Variants in F2 observed in about 807,000 individuals in gnomAD.
The protein encoded by F2 is prothrombin.
Under a neutral mutation model 81.9 loss-of-function variants are expected in F2, and 34 were observed. The observed-to-expected ratio is 0.42, with a 90% CI of 0.32 to 0.55. The LOEUF (loss-of-function observed/expected upper bound fraction) is 0.55, where lower values mean the gene tolerates loss of function less well. F2 is among the 20% of genes least tolerant of loss of function. The pLI is 0.18. For missense variants in F2, 630 were observed against 833.4 expected (o/e 0.76, Z 3.00); for synonymous variants, 296 against 326.4 (o/e 0.91, Z 1.01).
intron 12 of F2, among the ~76,000 whole-genome samples, chr11:46,731,985 G>A (rs1208692362): frequency 2.0e-5 from 3 of 146,974 alleles, no homozygotes; most frequent in East Asian, 2.0e-4. Context: ...GTGCGATCTC[G>A]GCTCACTGCA....
At chr11:46,731,950 T>C (rs1445791753) in intron 12 of F2, among the ~76,000 whole-genome samples, 1 of 127,986 alleles carries the variant, frequency 7.8e-6, no homozygotes, top group Non-Finnish European at 1.6e-5. Flanking sequence ...GGAGTCTCCC[T>C]CTATCACCCG....
chr11:46,720,862 G>A, intron 4 of F2, 22 bp downstream of exon 4: 1 of 1,613,740 alleles, frequency 6.2e-7, no homozygotes, highest in Non-Finnish European at 8.5e-7. Flanking sequence ...ACACGGGTTT[G>A]GGGAGCAGGA....
intron 12 of F2, among the ~76,000 whole-genome samples, chr11:46,731,912 G>GTTTTTTGTT (rs2064914153): frequency 1.1e-5 from 1 of 88,156 alleles, no homozygotes; most frequent in African/African-American, 4.4e-5. Flanking sequence ...ACACTTTGAT[G>GTTTTTTGTT]TTTTTTTTTT....
chr11:46,727,243 A>G (rs1049929997), intron 9 of F2, among the ~76,000 whole-genome samples: 4 of 151,778 alleles, frequency 2.6e-5, no homozygotes, highest in Non-Finnish European at 5.9e-5. Context: ...GCTGGTCTTG[A>G]ACTCCTGACC....
chr11:46,733,898 C>T (rs1179295148), intron 12 of F2, among the ~76,000 whole-genome samples: 1 of 145,856 alleles, frequency 6.9e-6, no homozygotes, highest in African/African-American at 2.6e-5. Context: ...AAGCGATTCT[C>T]CTGCTTCAGC....
intron 2 of F2, chr11:46,720,149 G>T: frequency 1.8e-6 from 1 of 558,250 alleles, no homozygotes; most frequent in South Asian, 2.0e-5. Flanking sequence ...CTCCTCAGCG[G>T]CAGACTCCCA....
Position 46,719,386 on chromosome 11 carries a change from C to A in F2, c.79+72C>A, listed in dbSNP as rs1156783231. ...GGGCCCATGGGCTGGGGTCTCCTGG[C>A]TGGACAGAGCACACAGAGCTGGCCC... On this transcript the variant is annotated intron_variant, in intron 1 of 13. Transcript: ENST00000311907. This position sits in a 1 kb window ranked among gnomAD's most constrained non-coding sequence, Gnocchi z 4.7. 6.6e-7 allele frequency: 1 copy of A among 1,517,422 alleles called. No individual in the cohort carries two copies. Among genetic ancestry groups the A allele is most frequent in the African/African-American group, 1.4e-5 (1 of 72,730 alleles). 94.0% of individuals were successfully genotyped at this position (1,517,422 alleles called of 1,614,324 possible).
chr11:46,726,676 A>G lies in F2; in HGVS notation c.1004-35A>G. On this transcript the variant is annotated intron_variant, in intron 8 of 13. Coordinates refer to ENST00000311907, the MANE Select transcript of F2 (RefSeq NM_000506.5). The surrounding 1 kb of genome is among the most constrained non-coding windows in gnomAD (Gnocchi z 5.9). ...ATGCGGGGCTGCGGGGCTGGTGGCC[A>G]GGACTTGCCCCTCACTGCTTGGCTT... is the stretch of plus-strand genomic sequence containing the variant. 1 of 1,613,508 alleles carries G rather than the reference A, an allele frequency of 6.2e-7. No homozygotes were observed. Among genetic ancestry groups the G allele is most frequent in the African/African-American group, 1.3e-5 (1 of 75,076 alleles).
rs1226159803 is a variant in F2, at chr11:46,725,730, G to A, written c.560-129G>A. ...CCCCTTTAAAGGCAAACGGTCAGAAGCCCAGAGAGGTTAAGTAACCTGAGG... is the reference window on the plus strand; with the variant it reads ...CCCCTTTAAAGGCAAACGGTCAGAAACCCAGAGAGGTTAAGTAACCTGAGG... On this transcript the variant is annotated intron_variant, in intron 6 of 13. Transcript: ENST00000311907. The A allele has an allele frequency of 6.6e-6, 7 of 1,064,380 alleles. No individual in the cohort carries two copies. In the African/African-American group the frequency reaches 7.8e-5, roughly 12 times the overall value. The allele number at this position is 1,064,380 out of a possible 1,614,324, so 65.9% of individuals were successfully genotyped here.
intron 12 of F2, among the ~76,000 whole-genome samples, chr11:46,730,908 T>C (rs1440201753): frequency 1.3e-5 from 2 of 150,468 alleles, no homozygotes; most frequent in Admixed American, 6.6e-5. Flanking sequence ...GCAACCACAA[T>C]ACAAATATTA....
chr11:46,739,426 G>T lies in F2; in HGVS notation c.*18G>T. 1 of 1,613,906 alleles carries T rather than the reference G, an allele frequency of 6.2e-7. No homozygotes were observed. The highest frequency in any genetic ancestry group is 1.1e-5 in the South Asian group (1 of 91,064). ...GAGAGTAGGGGGCCACTCATATTCT[G>T]GGCTCCTGGAACCAATCCCGTGAAA... On this transcript the variant is annotated 3_prime_UTR_variant, in exon 14 of 14. Transcript: ENST00000311907.
intron 12 of F2, among the ~76,000 whole-genome samples, chr11:46,733,782 C>CTTTTTT (rs34296052): frequency 1.3e-3 from 119 of 89,746 alleles, no homozygotes; most frequent in Middle Eastern, 7.9e-3. Flanking sequence ...GATTAAGGAC[C>CTTTTTT]TTTTTTTTTT....
chr11:46,726,161 C>G lies in F2; in HGVS notation c.862C>G (p.Leu288Val). 5 of 1,613,854 alleles carry G rather than the reference C, an allele frequency of 3.1e-6. No individual in the cohort carries two copies. Among genetic ancestry groups the G allele is most frequent in the Non-Finnish European group, 4.2e-6 (5 of 1,180,040 alleles). Residue 288 changes from leucine (L) to valine (V), a missense_variant, in exon 7 of 14, where the codon CTC becomes GTC. Leu to Val is a conservative substitution (Grantham distance 32). Coordinates refer to ENST00000311907, the MANE Select transcript of F2 (RefSeq NM_000506.5). The surrounding 1 kb of genome is among the most constrained non-coding windows in gnomAD (Gnocchi z 5.9). ...GKPGDFGYCD[L>V]NYCEEAVEEE... The stretch of plus-strand genomic sequence containing the variant: ...GCCTGGCGACTTTGGGTACTGCGAC[C>G]TCAACTATTGTGGTGAGCTGCCTGG...
chr11:46,732,690 C>T (rs769863891), intron 12 of F2, among the ~76,000 whole-genome samples: 22 of 152,190 alleles, frequency 1.4e-4, no homozygotes, highest in Non-Finnish European at 2.1e-4. Flanking sequence ...TGAGCTCTAC[C>T]GTGCCAGGCC....
At chr11:46,724,309 T>C (rs2064858017) in intron 6 of F2, among the ~76,000 whole-genome samples, 1 of 152,194 alleles carries the variant, frequency 6.6e-6, no homozygotes, top group Admixed American at 6.5e-5. Flanking sequence ...CACTCGCTAA[T>C]GCGTCTGTAG....
At chr11:46,730,161 A>G (rs758895498) in intron 12 of F2, among the ~76,000 whole-genome samples, 5 of 152,122 alleles carry the variant, frequency 3.3e-5, no homozygotes, top group Non-Finnish European at 2.9e-5. Context: ...TTAGCTGGTC[A>G]TGGTGACGCA....
chr11:46,739,379 CAGA>C lies in F2; in HGVS notation c.1843_1845del (p.Lys615del). On this transcript the variant is annotated inframe_deletion, in exon 14 of 14. Transcript: ENST00000311907. Reference sequence around the variant, plus strand: ...TGTGTTCCGCCTGAAGAAGTGGATACAGAAGGTCATTGATCAGTTTGGAGAGTA... The same window carrying C: ...TGTGTTCCGCCTGAAGAAGTGGATACAGGTCATTGATCAGTTTGGAGAGTA... 1.2e-6 allele frequency: 2 copies of C among 1,614,138 alleles called. No homozygotes were observed. The highest frequency in any genetic ancestry group is 1.7e-6 in the Non-Finnish European group (2 of 1,180,020).
In F2 at chr11:46,739,262, C is replaced by T. The variant is rs938571523; in HGVS notation, c.1726-3C>T. The T allele has an allele frequency of 3.1e-6, 5 of 1,613,634 alleles. No individual in the cohort carries two copies. Among genetic ancestry groups the T allele is most frequent in the African/African-American group, 1.3e-5 (1 of 74,938 alleles). ...TATTGGAAACCTCATCTTTCTTCTT[C>T]AGAGCCCCTTTAACAACCGCTGGTA... On this transcript the variant is annotated splice_region_variant and splice_polypyrimidine_tract_variant and intron_variant, in intron 13 of 13. Coordinates refer to ENST00000311907, the MANE Select transcript of F2 (RefSeq NM_000506.5).
intron 12 of F2, 106 bp from the exon 13 acceptor site, chr11:46,738,942 A>G (rs2064960674): frequency 8.7e-7 from 1 of 1,146,100 alleles, no homozygotes; most frequent in Non-Finnish European, 1.3e-6. Context: ...GGGGACAGCA[A>G]GAATGACTGG....
Sources: gnomAD v4.1 joint callset for allele counts (sites outside exome capture counted in the v4.1 genomes callset) on GRCh38, gnomAD v4.1.1 for gene constraint, Gnocchi (gnomAD v3.1) non-coding constraint, MANE v1.5 for transcripts, NCBI Gene and HGNC (gene_info 2026-07-23, HGNC 2026-07-21) for gene names.